The following GRM8 variants were observed in gnomAD, a reference collection of about 807,000 sequenced individuals.
GRM8 encodes glutamate metabotropic receptor 8, also known as metabotropic glutamate receptor 8.
Under a neutral mutation model 87.2 loss-of-function variants are expected in GRM8, and 47 were observed. The ratio of observed to expected loss-of-function variants is 0.54; its 90% CI spans 0.43 to 0.69. The LOEUF (loss-of-function observed/expected upper bound fraction) is 0.69. Ranked by LOEUF, GRM8 falls within the 30% of genes least tolerant of loss-of-function variation. The pLI is 0.00. For missense variants in GRM8, 1,019 were observed against 1,139.2 expected, an observed-to-expected ratio of 0.89 and a Z score of 1.52; for synonymous variants, 396 against 404.5, an observed-to-expected ratio of 0.98 and a Z score of 0.25.
intron 7 of GRM8, among the ~76,000 whole-genome samples, chr7:126,659,023 G>T (rs987437149): frequency 3.3e-5 from 5 of 151,648 alleles, no homozygotes; most frequent in Non-Finnish European, 5.9e-5. Flanking sequence ...TAATTAATAT[G>T]GTTGCGCCCC....
intron 7 of GRM8, among the ~76,000 whole-genome samples, chr7:126,733,458 A>G (rs1813835160): frequency 6.6e-6 from 1 of 150,606 alleles, no homozygotes; most frequent in South Asian, 2.1e-4. Context: ...GCTTGCTTGG[A>G]AAAAAAAGAG....
At chr7:127,124,041 C>A (rs1324718339) in intron 2 of GRM8, among the ~76,000 whole-genome samples, 1 of 152,174 alleles carries the variant, frequency 6.6e-6, no homozygotes, top group African/African-American at 2.4e-5. Context: ...ATACTTTCAA[C>A]TGGGTCCTTT....
intron 3 of GRM8, among the ~76,000 whole-genome samples, chr7:126,993,982 A>G (rs1240629179): frequency 6.6e-6 from 1 of 152,180 alleles, no homozygotes; most frequent in African/African-American, 2.4e-5. Flanking sequence ...GGGGTGGCAC[A>G]TGGCCTAGAA....
intron 9 of GRM8, among the ~76,000 whole-genome samples, chr7:126,528,207 C>G (rs1814190361): frequency 6.6e-6 from 1 of 151,274 alleles, no homozygotes; most frequent in Non-Finnish European, 1.5e-5. Context: ...GACTCCATCT[C>G]AAAAAACAAC....
intron 9 of GRM8, among the ~76,000 whole-genome samples, chr7:126,519,285 T>C (rs954858035): frequency 2.0e-5 from 3 of 151,988 alleles, no homozygotes; most frequent in Admixed American, 1.3e-4. Flanking sequence ...AGAGCACATA[T>C]GTGTTTAGAA....
At chr7:127,099,804 G>A (rs1825044339) in intron 3 of GRM8, among the ~76,000 whole-genome samples, 1 of 152,026 alleles carries the variant, frequency 6.6e-6, no homozygotes, top group South Asian at 2.1e-4. Flanking sequence ...TATCTCCCAA[G>A]AAAAATACAT....
intron 7 of GRM8, among the ~76,000 whole-genome samples, chr7:126,738,476 A>T (rs1316367320): frequency 1.3e-5 from 2 of 152,078 alleles, no homozygotes; most frequent in African/African-American, 4.8e-5. Flanking sequence ...TTGGAAGACC[A>T]GGTTGGATGC....
intron 3 of GRM8, among the ~76,000 whole-genome samples, chr7:127,090,058 T>G (rs1296412556): frequency 6.6e-6 from 1 of 152,202 alleles, no homozygotes; most frequent in Non-Finnish European, 1.5e-5. Context: ...CCTGGGACCT[T>G]GTGACCACTT....
intron 2 of GRM8, among the ~76,000 whole-genome samples, chr7:127,231,754 G>A (rs1259618019): frequency 5.9e-5 from 9 of 152,118 alleles, no homozygotes; most frequent in Admixed American, 1.3e-4. Flanking sequence ...CCAACCCAAA[G>A]GACAGGCTTG....
chr7:127,195,388 G>C (rs1795228778), intron 2 of GRM8, among the ~76,000 whole-genome samples: 1 of 151,978 alleles, frequency 6.6e-6, no homozygotes, highest in Admixed American at 6.6e-5. Context: ...ACCTGGACGG[G>C]GGAAAATCTT....
intron 6 of GRM8, among the ~76,000 whole-genome samples, chr7:126,897,623 C>T (rs191953280): frequency 1.3e-5 from 2 of 152,024 alleles, no homozygotes; most frequent in Admixed American, 1.3e-4. Flanking sequence ...AAAATAACAC[C>T]CATCACCACT....
chr7:126,449,467 A>G (rs1021220297), intron 9 of GRM8, among the ~76,000 whole-genome samples: 5 of 151,910 alleles, frequency 3.3e-5, no homozygotes. Context: ...CTTTGCATCT[A>G]AAAATATGCT....
chr7:126,537,674 G>A (rs1201762276), intron 8 of GRM8, among the ~76,000 whole-genome samples: 1 of 152,088 alleles, frequency 6.6e-6, no homozygotes, highest in Non-Finnish European at 1.5e-5. Flanking sequence ...CTACTTGGGA[G>A]GCTGAGGCAG....
intron 3 of GRM8, among the ~76,000 whole-genome samples, chr7:127,059,884 T>A (rs11563749): frequency 0.08 from 12,172 of 152,292 alleles, 532 homozygotes; most frequent in South Asian, 0.13. Context: ...CCTTGGCAAC[T>A]TCTCTTCTGG....
chr7:126,524,656 T>C (rs1813550429), intron 9 of GRM8, among the ~76,000 whole-genome samples: 1 of 152,190 alleles, frequency 6.6e-6, no homozygotes, highest in Non-Finnish European at 1.5e-5. Context: ...GGATCTTGCA[T>C]TTATGCTCAA....
At chr7:126,945,032 A>C (rs1190867369) in intron 3 of GRM8, among the ~76,000 whole-genome samples, 3 of 152,142 alleles carry the variant, frequency 2.0e-5, no homozygotes, top group Non-Finnish European at 4.4e-5. Flanking sequence ...AGTTGGTACC[A>C]ATCTTTTGGG....
chr7:127,118,771 T>C (rs1354731505), intron 2 of GRM8, among the ~76,000 whole-genome samples: 3 of 152,220 alleles, frequency 2.0e-5, no homozygotes, highest in Non-Finnish European at 2.9e-5. Flanking sequence ...CATTTTTAAA[T>C]CTGATATTAA....
chr7:126,576,015 A>G (rs1441857701), intron 8 of GRM8, among the ~76,000 whole-genome samples: 1 of 152,196 alleles, frequency 6.6e-6, no homozygotes, highest in Non-Finnish European at 1.5e-5. Flanking sequence ...GTCAAATGCT[A>G]TAGCTGGAGA....
chr7:126,446,032 G>A (rs760453889), intron 10 of GRM8, 94 bp downstream of exon 10: 3 of 1,449,464 alleles, frequency 2.1e-6, no homozygotes, highest in South Asian at 1.2e-5. Context: ...GAAACATGTA[G>A]CACAATCCCC....
Sources: gnomAD v4.1 joint callset for allele counts (sites outside exome capture counted in the v4.1 genomes callset) on GRCh38, gnomAD v4.1.1 for gene constraint, MANE v1.5 for transcripts, NCBI Gene and HGNC (gene_info 2026-07-23, HGNC 2026-07-21) for gene names.